The following SYT16 variants were observed in gnomAD, a reference collection of about 807,000 sequenced individuals.
The protein encoded by SYT16 is synaptotagmin 16, also known as synaptotagmin-16.
In SYT16, 42 loss-of-function variants were observed where a neutral mutation model predicts 61.4. The observed-to-expected ratio is 0.68, with a 90% CI of 0.53 to 0.89. The LOEUF (loss-of-function observed/expected upper bound fraction) is 0.89. SYT16 is among the 40% of genes least tolerant of loss of function. SYT16 has a pLI of 0.00. For synonymous variants in SYT16, 314 were observed against 302.3 expected, an observed-to-expected ratio of 1.04 and a Z score of -0.40; for missense variants, 804 against 807.3, an observed-to-expected ratio of 1.00 and a Z score of 0.05.
intron 3 of SYT16, among the ~76,000 whole-genome samples, chr14:62,047,943 T>G (rs957789319): frequency 2.0e-5 from 3 of 152,222 alleles, no homozygotes; most frequent in Admixed American, 1.3e-4. Flanking sequence ...TCTCTTTTTT[T>G]TGTTGTGTCT....
At chr14:61,847,965 T>C (rs2046493449) in intron 1 of SYT16, among the ~76,000 whole-genome samples, 1 of 152,240 alleles carries the variant, frequency 6.6e-6, no homozygotes, top group South Asian at 2.1e-4. Flanking sequence ...TTCTTCGTGT[T>C]ATCTTGAATT....
At chr14:61,901,954 G>A (rs923592835) in intron 1 of SYT16, among the ~76,000 whole-genome samples, 1 of 151,892 alleles carries the variant, frequency 6.6e-6, no homozygotes, top group Non-Finnish European at 1.5e-5. Context: ...TAGAGACAAG[G>A]TTTCGCTATG....
In SYT16 at chr14:62,112,115, C is replaced by T. The variant is rs558582688; in HGVS notation, c.*11408C>T. On this transcript the variant is annotated 3_prime_UTR_variant, in exon 8 of 8. Transcript: ENST00000683842. ...ATGGTTTTAATGTATTACTATCTTA[C>T]TATTATGTATTGTGTTTAAACAAGA... 27 of 152,148 alleles carry T rather than the reference C, an allele frequency of 1.8e-4. No homozygotes were observed. Among genetic ancestry groups the T allele is most frequent in the African/African-American group, 5.5e-4 (23 of 41,550 alleles). 9.4% of individuals were successfully genotyped at this position (152,148 alleles called of 1,614,324 possible). A position where few individuals can be genotyped will look rare whatever the true frequency, so the allele number is the denominator to read the frequency against.
intron 3 of SYT16, among the ~76,000 whole-genome samples, chr14:62,048,397 A>G (rs2055100170): frequency 1.3e-5 from 2 of 152,052 alleles, no homozygotes; most frequent in South Asian, 2.1e-4. Context: ...CTAGCTGTCT[A>G]TCAATTTTGT....
chr14:61,949,141 C>T (rs2050565244), intron 1 of SYT16, among the ~76,000 whole-genome samples: 1 of 152,160 alleles, frequency 6.6e-6, no homozygotes, highest in South Asian at 2.1e-4. Flanking sequence ...AAGATTGGTT[C>T]TAGTTTCCTG....
intron 1 of SYT16, among the ~76,000 whole-genome samples, chr14:61,947,930 A>T (rs568244818): frequency 6.6e-6 from 1 of 152,270 alleles, no homozygotes; most frequent in South Asian, 2.1e-4. Flanking sequence ...TATTCCAGGG[A>T]CAGTGATTAT....
chr14:62,074,812 A>G (rs1280850819), intron 4 of SYT16, among the ~76,000 whole-genome samples: 1 of 152,192 alleles, frequency 6.6e-6, no homozygotes, highest in Non-Finnish European at 1.5e-5. Flanking sequence ...TTTTGCTTTT[A>G]GATCCATTGC....
chr14:62,029,235 T>C (rs1466767040), intron 3 of SYT16, among the ~76,000 whole-genome samples: 4 of 152,196 alleles, frequency 2.6e-5, no homozygotes, highest in African/African-American at 4.8e-5. Context: ...TTCAAGTGAT[T>C]CTTGTGCCTC....
At chr14:62,071,889 T>C (rs185471178) in intron 4 of SYT16, among the ~76,000 whole-genome samples, 42 of 152,348 alleles carry the variant, frequency 2.8e-4, no homozygotes, top group African/African-American at 5.8e-4. Context: ...GTAGGTTGTC[T>C]CATATTTCAT....
rs2057539719 is a variant in SYT16, at chr14:62,107,815, G to A, written c.*7108G>A. 1 of 152,178 alleles carries A rather than the reference G, an allele frequency of 6.6e-6. No individual in the cohort carries two copies. Among genetic ancestry groups the A allele is most frequent in the Non-Finnish European group, 1.5e-5 (1 of 68,026 alleles). The allele number at this position is 152,178 out of a possible 1,614,324, so 9.4% of individuals were successfully genotyped here. A position where few individuals can be genotyped will look rare whatever the true frequency, so the allele number is the denominator to read the frequency against. Reference sequence around the variant, plus strand: ...AAATGCATCATTCCATTCCAGCAGTGAAAAGAATTATAGCATCAAATAGGA... The same window carrying A: ...AAATGCATCATTCCATTCCAGCAGTAAAAAGAATTATAGCATCAAATAGGA... On this transcript the variant is annotated 3_prime_UTR_variant, in exon 8 of 8. Transcript: ENST00000683842.
chr14:61,919,565 TCAG>T (rs1274255563), intron 1 of SYT16, among the ~76,000 whole-genome samples: 8 of 152,206 alleles, frequency 5.3e-5, no homozygotes, highest in Non-Finnish European at 1.0e-4. Flanking sequence ...ATCTTCAAAG[TCAG>T]CAGTAGTGGG....
chr14:61,830,030 TAAAA>T (rs111928187), intron 1 of SYT16, among the ~76,000 whole-genome samples: 2 of 150,728 alleles, frequency 1.3e-5, no homozygotes, highest in African/African-American at 4.9e-5. Flanking sequence ...GCTAGTGAGT[TAAAA>T]AAAAAATTAA....
At chr14:62,011,395 A>G (rs780343537) in intron 3 of SYT16, among the ~76,000 whole-genome samples, 3 of 152,182 alleles carry the variant, frequency 2.0e-5, no homozygotes, top group African/African-American at 7.2e-5. Flanking sequence ...AAATAAAAAA[A>G]AACACCACCA....
chr14:61,864,691 G>T (rs2047080658), intron 1 of SYT16, among the ~76,000 whole-genome samples: 1 of 152,238 alleles, frequency 6.6e-6, no homozygotes, highest in South Asian at 2.1e-4. Flanking sequence ...CCCTAGACCC[G>T]CTCCGCCGAT....
chr14:62,042,039 G>T (rs1348042273), intron 3 of SYT16, among the ~76,000 whole-genome samples: 1 of 152,006 alleles, frequency 6.6e-6, no homozygotes, highest in African/African-American at 2.4e-5. Flanking sequence ...TTGAATATAT[G>T]GAATATAGTA....
Position 62,058,014 on chromosome 14 carries a change from A to G in SYT16, c.524-11589A>G, listed in dbSNP as rs548840017. Among the ~76,000 whole-genome samples, 8 of 152,328 alleles carry G rather than the reference A, an allele frequency of 5.3e-5. No individual in the cohort carries two copies. In the South Asian group the frequency reaches 1.7e-3, roughly 32 times the overall value. On this transcript the variant is annotated intron_variant, in intron 3 of 7. Coordinates refer to ENST00000683842, the MANE Select transcript of SYT16 (RefSeq NM_001367656.1). Reference sequence around the variant, plus strand: ...TTATTTTGAATTTTTAGATTATTATAAAAATGGAGTTATATAATGCACATT... The same window carrying G: ...TTATTTTGAATTTTTAGATTATTATGAAAATGGAGTTATATAATGCACATT...
intron 2 of SYT16, among the ~76,000 whole-genome samples, chr14:61,974,791 G>A (rs547577413): frequency 6.6e-6 from 1 of 152,352 alleles, no homozygotes; most frequent in Non-Finnish European, 1.5e-5. Context: ...GAGTAAGTAA[G>A]GAAACAGGTT....
chr14:61,867,456 T>C (rs1309334320), intron 1 of SYT16, among the ~76,000 whole-genome samples: 1 of 152,062 alleles, frequency 6.6e-6, no homozygotes, highest in African/African-American at 2.4e-5. Flanking sequence ...CTTCAGTGAA[T>C]TTCCCCTGTA....
intron 3 of SYT16, among the ~76,000 whole-genome samples, chr14:62,051,327 G>A (rs34664649): frequency 0.06 from 9,214 of 152,338 alleles, 342 homozygotes; most frequent in Middle Eastern, 0.16. Flanking sequence ...GAAAAGTGCA[G>A]TATTAGGGTG....
Sources: gnomAD v4.1 joint callset for allele counts (sites outside exome capture counted in the v4.1 genomes callset) on GRCh38, gnomAD v4.1.1 for gene constraint, MANE v1.5 for transcripts, NCBI Gene and HGNC (gene_info 2026-07-23, HGNC 2026-07-21) for gene names.